The following TAFA2 variants were observed in gnomAD, a reference collection of about 807,000 sequenced individuals.
TAFA2 encodes TAFA chemokine like family member 2.
TAFA2 carries 7 observed loss-of-function variants against 18.8 expected under a neutral mutation model. That is an observed-to-expected ratio of 0.37 (90% CI 0.21 to 0.70). The LOEUF (loss-of-function observed/expected upper bound fraction) is 0.70. TAFA2 is among the 30% of genes least tolerant of loss of function. The pLI, the probability that TAFA2 is intolerant of heterozygous loss-of-function variation, is 0.53. For missense variants in TAFA2, 122 were observed against 158.1 expected, an observed-to-expected ratio of 0.77 and a Z score of 1.23; for synonymous variants, 60 against 54.2, an observed-to-expected ratio of 1.11 and a Z score of -0.47.
At chr12:62,053,957 G>A (rs1882121598) in intron 1 of TAFA2, among the ~76,000 whole-genome samples, 1 of 152,296 alleles carries the variant, frequency 6.6e-6, no homozygotes. Flanking sequence ...TTGGTTGAAT[G>A]TGATTTTATT....
intron 1 of TAFA2, among the ~76,000 whole-genome samples, chr12:62,147,750 A>G (rs1327554379): frequency 1.5e-5 from 2 of 130,320 alleles, no homozygotes; most frequent in Non-Finnish European, 3.4e-5. Flanking sequence ...AAAAAAAAAA[A>G]AGAAACCATT....
At chr12:62,205,919 T>A (rs1314441378) in intron 1 of TAFA2, among the ~76,000 whole-genome samples, 1 of 152,140 alleles carries the variant, frequency 6.6e-6, no homozygotes, top group Non-Finnish European at 1.5e-5. Flanking sequence ...AGGTGTGGTT[T>A]CCCAGGTGGG....
At chr12:62,246,506 A>C (rs1565787646) in intron 1 of TAFA2, among the ~76,000 whole-genome samples, 1 of 152,220 alleles carries the variant, frequency 6.6e-6, no homozygotes, top group Non-Finnish European at 1.5e-5. Context: ...TCAATATATT[A>C]TCATTAGATC....
intron 1 of TAFA2, among the ~76,000 whole-genome samples, chr12:62,112,477 T>C (rs572525698): frequency 6.6e-6 from 1 of 152,296 alleles, no homozygotes; most frequent in African/African-American, 2.4e-5. Flanking sequence ...GGGATTGCTC[T>C]TCTCAAGGAG....
chr12:62,067,108 T>C (rs764549058), intron 1 of TAFA2, among the ~76,000 whole-genome samples: 2 of 152,150 alleles, frequency 1.3e-5, no homozygotes, highest in Non-Finnish European at 2.9e-5. Flanking sequence ...CATTTGTATG[T>C]CTTCCTTTGA....
chr12:61,997,137 A>G (rs1259772081), intron 1 of TAFA2, among the ~76,000 whole-genome samples: 8 of 150,402 alleles, frequency 5.3e-5, no homozygotes, highest in African/African-American at 4.9e-5. Context: ...GTGTGTGTGT[A>G]TATAGATACA....
intron 4 of TAFA2, among the ~76,000 whole-genome samples, chr12:61,723,178 A>G (rs921517711): frequency 2.6e-5 from 4 of 152,142 alleles, no homozygotes; most frequent in African/African-American, 9.7e-5. Context: ...TCCGATCAGC[A>G]CTTTGTCATA....
intron 1 of TAFA2, among the ~76,000 whole-genome samples, chr12:62,134,847 C>T (rs903984150): frequency 3.3e-5 from 5 of 151,886 alleles, no homozygotes; most frequent in African/African-American, 1.2e-4. Context: ...ATTTTAATTC[C>T]TCAAGCTGCT....
intron 2 of TAFA2, among the ~76,000 whole-genome samples, chr12:61,808,018 T>C (rs12310971): frequency 0.026 from 3,877 of 151,570 alleles, 359 homozygotes; most frequent in African/African-American, 0.09. Context: ...TGGAGGACTA[T>C]TGGGAAGGCA....
chr12:62,166,818 A>G (rs752331679), intron 1 of TAFA2, among the ~76,000 whole-genome samples: 24 of 152,164 alleles, frequency 1.6e-4, no homozygotes, highest in Non-Finnish European at 3.4e-4. Context: ...TAAAATTCCA[A>G]TCGTGACACA....
chr12:61,741,384 T>C (rs573461329), intron 4 of TAFA2, among the ~76,000 whole-genome samples: 2 of 152,070 alleles, frequency 1.3e-5, no homozygotes, highest in South Asian at 2.1e-4. Context: ...TGTATGAAGA[T>C]AGTCTAGTTG....
At chr12:61,959,213 T>G (rs969160324) in intron 1 of TAFA2, among the ~76,000 whole-genome samples, 2 of 152,044 alleles carry the variant, frequency 1.3e-5, no homozygotes, top group Non-Finnish European at 2.9e-5. Context: ...AAAAAATTTG[T>G]TGGATTTCTA....
intron 4 of TAFA2, among the ~76,000 whole-genome samples, chr12:61,712,039 G>C (rs964426265): frequency 1.3e-5 from 2 of 151,912 alleles, no homozygotes; most frequent in Non-Finnish European, 2.9e-5. Flanking sequence ...GAAAAGAGAG[G>C]GGAAGCTATA....
intron 1 of TAFA2, among the ~76,000 whole-genome samples, chr12:62,066,364 T>C (rs1882488899): frequency 6.6e-6 from 1 of 151,878 alleles, no homozygotes; most frequent in Non-Finnish European, 1.5e-5. Context: ...TCCACCCAGT[T>C]GTGCTAACAA....
At chr12:62,032,259 G>C (rs1431379149) in intron 1 of TAFA2, among the ~76,000 whole-genome samples, 2 of 151,996 alleles carry the variant, frequency 1.3e-5, no homozygotes, top group Non-Finnish European at 2.9e-5. Context: ...GCTGAGAAAG[G>C]GTACAGGAAA....
chr12:62,026,317 C>T (rs921575352), intron 1 of TAFA2, among the ~76,000 whole-genome samples: 1 of 152,022 alleles, frequency 6.6e-6, no homozygotes, highest in Non-Finnish European at 1.5e-5. Flanking sequence ...GAAAGAAAAA[C>T]ATAAGTTCCT....
At chr12:62,122,928 T>G (rs1363637339) in intron 1 of TAFA2, among the ~76,000 whole-genome samples, 1 of 152,252 alleles carries the variant, frequency 6.6e-6, no homozygotes, top group African/African-American at 2.4e-5. Flanking sequence ...TTTTCTACCA[T>G]GGAGAACCCT....
At chr12:62,202,117 T>C (rs913334233) in intron 1 of TAFA2, among the ~76,000 whole-genome samples, 1 of 152,040 alleles carries the variant, frequency 6.6e-6, no homozygotes, top group African/African-American at 2.4e-5. Flanking sequence ...GTGTCTATTT[T>C]ATTCTTCTCT....
chr12:61,848,369 C>T (rs1031687756), intron 2 of TAFA2, among the ~76,000 whole-genome samples: 46 of 152,056 alleles, frequency 3.0e-4, no homozygotes, highest in African/African-American at 1.0e-3. Flanking sequence ...TTTGGAGGTG[C>T]TTGATCTATC....
Sources: allele counts gnomAD v4.1 joint callset (sites outside exome capture counted in the v4.1 genomes callset), GRCh38; gene constraint gnomAD v4.1.1; transcripts MANE v1.5; gene names NCBI Gene and HGNC (gene_info 2026-07-23, HGNC 2026-07-21).